ACER2: variants seen among roughly 807,000 people sequenced by gnomAD.
ACER2 encodes the protein alkCDase 2.
A neutral mutation model predicts 34.7 loss-of-function variants in ACER2; 26 were observed. The ratio of observed to expected loss-of-function variants is 0.75; its 90% CI spans 0.55 to 1.04. The LOEUF is 1.04. ACER2 is among the 50% of genes least tolerant of loss of function. The probability of loss-of-function intolerance (pLI) is 0.00; values close to 1 mark genes in which losing one functional copy is unlikely to be tolerated. For missense variants in ACER2, 352 were observed against 340.8 expected (o/e 1.03, Z -0.26); for synonymous variants, 138 against 132.1 (o/e 1.04, Z -0.31).
At position 19,450,575 on chromosome 9, in the gene ACER2, T is replaced by C. The variant is rs371393067; in HGVS notation, c.767T>C (p.Ile256Thr). 35 of 1,608,898 alleles carry C rather than the reference T, an allele frequency of 2.2e-5. No homozygotes were observed. Among genetic ancestry groups the C allele is most frequent in the African/African-American group, 5.3e-5 (4 of 74,888 alleles). Reference sequence around the variant, plus strand: ...TGGCCCAATGAGAAATGGGCCTTCATTGGTGTCCCCTATGTGTCCCTCCTG... The same window carrying C: ...TGGCCCAATGAGAAATGGGCCTTCACTGGTGTCCCCTATGTGTCCCTCCTG... ...KFWPNEKWAF[I>T]GVPYVSLLCA... The change falls in exon 6 of 6, where the codon ATT (isoleucine) becomes ACT (threonine). Residue 256 changes from isoleucine (I) to threonine (T), a missense_variant. By Grantham distance (89) the Ile-to-Thr change is moderately conservative (BLOSUM62 -1). Transcript: ENST00000340967.
intron 1 of ACER2, among the ~76,000 whole-genome samples, chr9:19,414,130 CT>C (rs1830167345): frequency 6.6e-6 from 1 of 152,182 alleles, no homozygotes; most frequent in Non-Finnish European, 1.5e-5. Flanking sequence ...TTGCCTGAGA[CT>C]TTTCTGATTT....
intron 1 of ACER2, among the ~76,000 whole-genome samples, chr9:19,410,516 C>T (rs891686662): frequency 9.2e-5 from 14 of 152,132 alleles, no homozygotes; most frequent in Non-Finnish European, 1.9e-4. Flanking sequence ...TCGAGACCAA[C>T]CTGGGCAACA....
intron 3 of ACER2, among the ~76,000 whole-genome samples, chr9:19,425,333 G>A (rs931013409): frequency 1.3e-5 from 2 of 152,082 alleles, no homozygotes; most frequent in Non-Finnish European, 2.9e-5. Context: ...GTGCGTGCGC[G>A]TGCACACACA....
In ACER2 at chr9:19,409,095, C is replaced by T. The variant is rs1401938817; in HGVS notation, c.11C>T (p.Pro4Leu). Reference sequence around the variant, plus strand: ...TGCCCCGGAGTGGCCATGGGCGCCCCGCACTGGTGGGACCAGCTGCAGGCT... The same window carrying T: ...TGCCCCGGAGTGGCCATGGGCGCCCTGCACTGGTGGGACCAGCTGCAGGCT... Reference protein sequence around the residue: MGAPHWWDQLQAGS... With the variant: MGALHWWDQLQAGS... Residue 4 changes from proline (P) to leucine (L), a missense_variant, in exon 1 of 6, where the codon CCG becomes CTG. By Grantham distance (98) the Pro-to-Leu change is moderately conservative (BLOSUM62 -3). Coordinates refer to ENST00000340967, the MANE Select transcript of ACER2 (RefSeq NM_001010887.3). 3.8e-6 allele frequency: 6 copies of T among 1,592,168 alleles called. No homozygotes were observed. The highest frequency in any genetic ancestry group is 5.1e-6 in the Non-Finnish European group (6 of 1,170,220).
intron 3 of ACER2, among the ~76,000 whole-genome samples, chr9:19,427,689 C>T (rs1285318830): frequency 3.1e-5 from 4 of 129,798 alleles, no homozygotes; most frequent in South Asian, 2.6e-4. Flanking sequence ...TTCTCTGAGA[C>T]GGACTGTCTC....
At chr9:19,419,941 C>T (rs374735385) in intron 1 of ACER2, among the ~76,000 whole-genome samples, 17 of 152,284 alleles carry the variant, frequency 1.1e-4, no homozygotes, top group Admixed American at 3.3e-4. Context: ...TTGCATTTCT[C>T]TCCCACCCAT....
Position 19,438,317 on chromosome 9 carries a change from C to A in ACER2, c.503+3233C>A, listed in dbSNP as rs1831037098. On this transcript the variant is annotated intron_variant, in intron 4 of 5. Transcript: ENST00000340967. The stretch of plus-strand genomic sequence containing the variant: ...ACTTGTTGCCTTTCCTTTTCCTTGC[C>A]ACTATGTTTCAGCAAGTATAGCTAA... 1.3e-5 allele frequency among the ~76,000 whole-genome samples: 2 copies of A among 152,186 alleles called. 1 individual carries two copies. Among genetic ancestry groups the A allele is most frequent in the South Asian group, 4.1e-4 (2 of 4,820 alleles).
intron 1 of ACER2, among the ~76,000 whole-genome samples, chr9:19,411,961 G>A (rs904130742): frequency 1.3e-5 from 2 of 152,174 alleles, no homozygotes; most frequent in Non-Finnish European, 2.9e-5. Flanking sequence ...GGGGCCTAGA[G>A]AGTTTATGTA....
intron 1 of ACER2, among the ~76,000 whole-genome samples, chr9:19,414,521 A>G (rs1387906732): frequency 6.6e-6 from 1 of 152,146 alleles, no homozygotes; most frequent in East Asian, 1.9e-4. Flanking sequence ...AGTGGCTCAC[A>G]CCTCTAATCC....
intron 1 of ACER2, among the ~76,000 whole-genome samples, chr9:19,415,355 G>A (rs1324152914): frequency 1.3e-5 from 2 of 152,076 alleles, no homozygotes; most frequent in Non-Finnish European, 2.9e-5. Context: ...AGATGGGCAT[G>A]ATGGCACTTA....
At chr9:19,425,634 G>A (rs1830537296) in intron 3 of ACER2, among the ~76,000 whole-genome samples, 1 of 152,178 alleles carries the variant, frequency 6.6e-6, no homozygotes, top group African/African-American at 2.4e-5. Flanking sequence ...AAGTGAAGCT[G>A]ATAAGGGTAT....
At chr9:19,428,275 C>T (rs1044024004) in intron 3 of ACER2, among the ~76,000 whole-genome samples, 6 of 151,910 alleles carry the variant, frequency 3.9e-5, no homozygotes, top group African/African-American at 1.5e-4. Flanking sequence ...TCAAGTGATT[C>T]TCCTGCCTCA....
At chr9:19,446,085 G>T in intron 4 of ACER2, 196 bp from the exon 5 acceptor site, 2 of 836,380 alleles carry the variant, frequency 2.4e-6, no homozygotes, top group Non-Finnish European at 2.1e-6. Context: ...TGGGTGGGAA[G>T]GGTGTCTGTG....
chr9:19,416,366 A>G (rs1830239353), intron 1 of ACER2, among the ~76,000 whole-genome samples: 1 of 152,140 alleles, frequency 6.6e-6, no homozygotes, highest in Admixed American at 6.5e-5. Flanking sequence ...GGAGGTCAGA[A>G]TGTGGTTGAA....
chr9:19,435,181 T>G (rs928147014), intron 4 of ACER2, 97 bp downstream of exon 4: 6 of 1,442,088 alleles, frequency 4.2e-6, no homozygotes, highest in African/African-American at 1.4e-5. Flanking sequence ...AGAGGAGTTT[T>G]ATTCCTTGTG....
chr9:19,434,958 A>G lies in ACER2; in HGVS notation c.377A>G (p.Lys126Arg). ...TTTCATGGATTCAGGGGTAGGTTCA[A>G]GGTGGTGGTCAGTGTCCTGTCTGCG... ...KIFRNDRGRF[K>R]VVVSVLSAVT... is the part of the protein sequence containing the mutation. The change falls in exon 4 of 6, where the codon AAG becomes AGG. Residue 126 changes from lysine to arginine, a missense_variant. Coordinates refer to ENST00000340967, the MANE Select transcript of ACER2 (RefSeq NM_001010887.3). 1 of 1,613,746 alleles carries G rather than the reference A, an allele frequency of 6.2e-7. No homozygotes were observed. The highest frequency in any genetic ancestry group is 8.5e-7 in the Non-Finnish European group (1 of 1,180,010).
chr9:19,418,067 C>T (rs1292586388), intron 1 of ACER2, among the ~76,000 whole-genome samples: 7 of 152,162 alleles, frequency 4.6e-5, no homozygotes, highest in Non-Finnish European at 7.4e-5. Flanking sequence ...CAAAAGAAGA[C>T]ATTTATGTGG....
Position 19,426,003 on chromosome 9 carries a change from G to A in ACER2, c.365+1162G>A, listed in dbSNP as rs78371683. On this transcript the variant is annotated intron_variant, in intron 3 of 5. Transcript: ENST00000340967. ...TATCTGTGGACTCAAATGGAGAAGC[G>A]TCTATGAAAAATGCTGGCTGCAAGG... Among the ~76,000 whole-genome samples the A allele has an allele frequency of 8.1e-3, 1,236 of 152,240 alleles. 17 individuals are homozygous for A. Among genetic ancestry groups the A allele is most frequent in the African/African-American group, 0.028 (1,161 of 41,536 alleles).
At chr9:19,435,120 C>T (rs1327967497) in intron 4 of ACER2, 36 bp downstream of exon 4, 6 of 1,611,410 alleles carry the variant, frequency 3.7e-6, no homozygotes, top group South Asian at 1.1e-5. Flanking sequence ...CTTAGCTGTC[C>T]CCGTGCTGGG....
Sources: allele counts gnomAD v4.1 joint callset (sites outside exome capture counted in the v4.1 genomes callset), GRCh38; gene constraint gnomAD v4.1.1; transcripts MANE v1.5; gene names NCBI Gene and HGNC (gene_info 2026-07-23, HGNC 2026-07-21).